The following ADGRB2 variants were observed in gnomAD, a reference collection of about 807,000 sequenced individuals.
ADGRB2 encodes adhesion G protein-coupled receptor B2, also known as brain-specific angiogenesis inhibitor 2.
A neutral mutation model predicts 178.7 loss-of-function variants in ADGRB2; 47 were observed. The observed-to-expected ratio is 0.26, with a 90% CI of 0.21 to 0.34. ADGRB2 has a LOEUF of 0.34. ADGRB2 is among the 10% of genes least tolerant of loss of function. The pLI is 1.00. For missense variants in ADGRB2, 1,584 were observed against 2,180.8 expected (o/e 0.73, Z 5.45); for synonymous variants, 870 against 912.4 (o/e 0.95, Z 0.84).
rs748303628 is a variant in ADGRB2 at position 31,744,618 on chromosome 1, C to T, written c.922+30G>A. The T allele has an allele frequency of 2.5e-6, 4 of 1,611,756 alleles. No individual in the cohort carries two copies. In the African/African-American group the frequency reaches 4.0e-5, roughly 16 times the overall value. ...CAGACGCACACAGTCGGGCCCCCGC[C>T]GCAGAGGAAGGGAGGCGGGCCCGAG... On this transcript the variant is annotated intron_variant, in intron 5 of 32. Coordinates refer to ENST00000373658, the MANE Select transcript of ADGRB2 (RefSeq NM_001364857.2). The surrounding 1 kb of genome is among the most constrained non-coding windows in gnomAD (Gnocchi z 6.7).
rs1174286305 is a variant in ADGRB2 at position 31,735,419 on chromosome 1, G to A, written c.3354-138C>T. 1.4e-5 allele frequency: 17 copies of A among 1,218,072 alleles called. No homozygotes were observed. Among genetic ancestry groups the A allele is most frequent in the Non-Finnish European group, 2.0e-5 (17 of 851,576 alleles). The allele number at this position is 1,218,072 out of a possible 1,614,324, so 75.5% of individuals were successfully genotyped here. On this transcript the variant is annotated intron_variant, in intron 24 of 32. Transcript: ENST00000373658. The surrounding 1 kb of genome is among the most constrained non-coding windows in gnomAD (Gnocchi z 6.0). The stretch of plus-strand genomic sequence containing the variant: ...GCTGGGTTAGGGTGGGTGAGGGGCT[G>A]CGGCTGAGCACTCCGGGTGCCCACC...
rs1339365597 is a variant in ADGRB2 at position 31,754,637 on chromosome 1, A to G, written c.838+1362T>C. Among the ~76,000 whole-genome samples the G allele has an allele frequency of 2.0e-5, 3 of 152,366 alleles. No individual in the cohort carries two copies. Among genetic ancestry groups the G allele is most frequent in the East Asian group, 1.9e-4 (1 of 5,182 alleles). ...GCCAAGCTAGCCTGGGAGAGAGGCC[A>G]CAGCAAAGCCACCGGGCACTTGCCG... On this transcript the variant is annotated intron_variant, in intron 4 of 32. Transcript: ENST00000373658. This position sits in a 1 kb window ranked among gnomAD's most constrained non-coding sequence, Gnocchi z 5.7.
At chr1:31,738,094 A>G in intron 18 of ADGRB2, 106 bp downstream of exon 18, 1 of 1,478,922 alleles carries the variant, frequency 6.8e-7, no homozygotes, top group East Asian at 2.4e-5. Context: ...GCACCTGCAG[A>G]TGCACATTCA....
At position 31,759,265 on chromosome 1, in the gene ADGRB2, G is replaced by C. The variant is rs1646968392; in HGVS notation, c.-190-1754C>G. ...AACACGCACACACAGGGGTGTAGAG[G>C]CTTACACTTGTACACATGCACAGAG... On this transcript the variant is annotated intron_variant, in intron 1 of 32. Coordinates refer to ENST00000373658, the MANE Select transcript of ADGRB2 (RefSeq NM_001364857.2). The surrounding 1 kb of genome is among the most constrained non-coding windows in gnomAD (Gnocchi z 4.3). 3.9e-6 allele frequency: 3 copies of C among 778,996 alleles called. No homozygotes were observed. Among genetic ancestry groups the C allele is most frequent in the Non-Finnish European group, 7.2e-6 (3 of 417,556 alleles). The allele number at this position is 778,996 out of a possible 1,614,324, so 48.3% of individuals were successfully genotyped here.
chr1:31,757,162 G>A (rs762517910), intron 3 of ADGRB2, 39 bp downstream of exon 3: 2 of 1,614,124 alleles, frequency 1.2e-6, no homozygotes, highest in South Asian at 2.2e-5. Flanking sequence ...TCAACTACAA[G>A]CATATTCGCC....
rs879884494 is a variant in ADGRB2, at chr1:31,758,126, C to G, written c.-190-615G>C. Among the ~76,000 whole-genome samples, 13 of 152,222 alleles carry G rather than the reference C, an allele frequency of 8.5e-5. No homozygotes were observed. Among genetic ancestry groups the G allele is most frequent in the Admixed American group, 5.2e-4 (8 of 15,288 alleles). ...AATCAGCCCCACTTCCAATCCTACC[C>G]CCCAAGTAATCCAAGCGGCCTCCCT... On this transcript the variant is annotated intron_variant, in intron 1 of 32. Coordinates refer to ENST00000373658, the MANE Select transcript of ADGRB2 (RefSeq NM_001364857.2). This position sits in a 1 kb window ranked among gnomAD's most constrained non-coding sequence, Gnocchi z 4.2.
At position 31,756,633 on chromosome 1, in the gene ADGRB2, G is replaced by A. The variant is rs1218758944; in HGVS notation, c.204C>T (p.Thr68=). Residue 68 remains threonine (T), a synonymous_variant, in exon 4 of 33, where the codon ACC becomes ACT. Coordinates refer to ENST00000373658, the MANE Select transcript of ADGRB2 (RefSeq NM_001364857.2). The surrounding 1 kb of genome is among the most constrained non-coding windows in gnomAD (Gnocchi z 8.5). The part of the protein sequence containing the change: ...FPTIASGCSW[T]LENPDPTKYS... ...ACTTGGTGGGGTCAGGGTTCTCCAG[G>A]GTCCAGGAGCAGCCCGAGGCGATGG... The A allele has an allele frequency of 6.2e-7, 1 of 1,607,928 alleles. No homozygotes were observed.
Position 31,727,416 on chromosome 1 carries a change from G to A in ADGRB2, c.*4C>T, listed in dbSNP as rs776367007. On this transcript the variant is annotated 3_prime_UTR_variant, in exon 33 of 33. Coordinates refer to ENST00000373658, the MANE Select transcript of ADGRB2 (RefSeq NM_001364857.2). This position sits in a 1 kb window ranked among gnomAD's most constrained non-coding sequence, Gnocchi z 4.4. ...TATATGCAGTGGGCAGTCCAGCGTG[G>A]CACTCACACCTCTGTCTGGAAGTCA... 1.4e-5 allele frequency: 22 copies of A among 1,583,412 alleles called. No homozygotes were observed. The highest frequency in any genetic ancestry group is 1.7e-5 in the Non-Finnish European group (20 of 1,171,048).
At chr1:31,757,103 G>C in intron 3 of ADGRB2, 98 bp downstream of exon 3, 3 of 1,588,568 alleles carry the variant, frequency 1.9e-6, no homozygotes, top group Admixed American at 3.4e-5. Flanking sequence ...GAGCCCTGAA[G>C]AAACAGTAGT....
rs1472372204 is a variant in ADGRB2, at chr1:31,740,748, A to G, written c.1795-207T>C. 2.6e-5 allele frequency among the ~76,000 whole-genome samples: 4 copies of G among 152,228 alleles called. No individual in the cohort carries two copies. In the South Asian group the frequency reaches 8.3e-4, roughly 32 times the overall value. ...AGAGAATCCCAAAGGGTACTTTAAA[A>G]AAGACTGAAATAGAAACACCTAGAG... On this transcript the variant is annotated intron_variant, in intron 11 of 32. Transcript: ENST00000373658. This position sits in a 1 kb window ranked among gnomAD's most constrained non-coding sequence, Gnocchi z 5.9.
rs1645779859 is a variant in ADGRB2, at chr1:31,738,912, C to T, written c.2521G>A (p.Val841Met). ...GGGGGGCGCACAGTCACTGTCATCA[C>T]CCGGGATGTGACGGCCAGCGGGGGC... ...PRPPLAVTSR[V>M]MTVTVRPPTQ... The change falls in exon 16 of 33, where the codon GTG (valine) becomes ATG (methionine). Residue 841 changes from valine to methionine, a missense_variant. Coordinates refer to ENST00000373658, the MANE Select transcript of ADGRB2 (RefSeq NM_001364857.2). 1 of 1,613,338 alleles carries T rather than the reference C, an allele frequency of 6.2e-7. No homozygotes were observed. The highest frequency in any genetic ancestry group is 8.5e-7 in the Non-Finnish European group (1 of 1,179,810).
rs773603015 is a variant in ADGRB2 at position 31,735,542 on chromosome 1, T to C, written c.3353+38A>G. On this transcript the variant is annotated intron_variant, in intron 24 of 32. Coordinates refer to ENST00000373658, the MANE Select transcript of ADGRB2 (RefSeq NM_001364857.2). The surrounding 1 kb of genome is among the most constrained non-coding windows in gnomAD (Gnocchi z 6.0). The stretch of plus-strand genomic sequence containing the variant: ...CCCATGTCCCTCCCTCCCTGCACCA[T>C]TTCCAGAAAGGCCAAGTCTCAGAGG... The C allele has an allele frequency of 1.2e-6, 2 of 1,601,994 alleles. No individual in the cohort carries two copies. Among genetic ancestry groups the C allele is most frequent in the African/African-American group, 1.3e-5 (1 of 74,704 alleles).
At position 31,742,128 on chromosome 1, in the gene ADGRB2, C is replaced by T. The variant is rs146233307; in HGVS notation, c.1342G>A (p.Val448Met). Residue 448 changes from valine (V) to methionine (M), a missense_variant, in exon 8 of 33, where the codon GTG (valine) becomes ATG (methionine). By Grantham distance (21) the Val-to-Met change is conservative. This residue lies in a region of ADGRB2 where 657 missense variants were observed against 847.6 expected (regional missense o/e 0.78). Transcript: ENST00000373658. Reference protein sequence around the residue: ...GTQQRSRKCSVAGPAWATCTG... With the variant: ...GTQQRSRKCSMAGPAWATCTG... ...CATGTGGCCCAGGCTGGGCCCGCCA[C>T]GCTGCACTTCCGGCTGCGCTGTTGG... 7.0e-5 allele frequency: 113 copies of T among 1,613,526 alleles called. 1 individual carries two copies. The highest frequency in any genetic ancestry group is 5.0e-5 in the Admixed American group (3 of 59,994).
intron 4 of ADGRB2, among the ~76,000 whole-genome samples, chr1:31,747,082 T>C (rs924084021): frequency 5.3e-5 from 8 of 152,166 alleles, no homozygotes; most frequent in Non-Finnish European, 1.2e-4. Context: ...GTCCTCCTTG[T>C]TGCTAAATCC....
chr1:31,732,735 G>A, intron 26 of ADGRB2, 123 bp from the exon 27 acceptor site: 1 of 1,231,762 alleles, frequency 8.1e-7, no homozygotes, highest in Non-Finnish European at 1.2e-6. Context: ...CCAACCTTGG[G>A]GAAGGTGATG....
Position 31,759,387 on chromosome 1 carries a change from T to C in ADGRB2, c.-190-1876A>G, listed in dbSNP as rs1570098121. The C allele has an allele frequency of 3.8e-6, 3 of 779,330 alleles. No homozygotes were observed. 48.3% of individuals were successfully genotyped at this position (779,330 alleles called of 1,614,324 possible). ...GTGTCAGGCAGGATCCTCTGCGGGG[T>C]CTTCCTTTGCATGTCTGAAGCTGGA... On this transcript the variant is annotated intron_variant, in intron 1 of 32. Transcript: ENST00000373658. This position sits in a 1 kb window ranked among gnomAD's most constrained non-coding sequence, Gnocchi z 4.3.
rs1055528937 is a variant in ADGRB2, at chr1:31,733,501, A to G, written c.3453-358T>C. On this transcript the variant is annotated intron_variant, in intron 25 of 32. Transcript: ENST00000373658. This position sits in a 1 kb window ranked among gnomAD's most constrained non-coding sequence, Gnocchi z 4.3. ...CTTTTTAAAAATGCACGGGGCCGGGACGGCATCCCCAGAGCCTAACTGGGT... is the reference window on the plus strand; with the variant it reads ...CTTTTTAAAAATGCACGGGGCCGGGGCGGCATCCCCAGAGCCTAACTGGGT... Among the ~76,000 whole-genome samples the G allele has an allele frequency of 3.9e-5, 6 of 152,174 alleles. No individual in the cohort carries two copies. The highest frequency in any genetic ancestry group is 1.4e-4 in the African/African-American group (6 of 41,426).
rs911438496 is a variant in ADGRB2, at chr1:31,740,899, A to G, written c.1795-358T>C. On this transcript the variant is annotated intron_variant, in intron 11 of 32. Transcript: ENST00000373658. This position sits in a 1 kb window ranked among gnomAD's most constrained non-coding sequence, Gnocchi z 5.9. ...AGCATGTGTGTGGGCGCGCGCGCACACACACACACACACACACACACACAC... is the reference window on the plus strand; with the variant it reads ...AGCATGTGTGTGGGCGCGCGCGCACGCACACACACACACACACACACACAC... Among the ~76,000 whole-genome samples, 1,881 of 148,194 alleles carry G rather than the reference A, an allele frequency of 0.013. 42 individuals carry two copies. Among genetic ancestry groups the G allele is most frequent in the African/African-American group, 0.045 (1,780 of 39,640 alleles).
In ADGRB2 at chr1:31,740,362, C is replaced by T. The variant is rs752913549; in HGVS notation, c.1974G>A (p.Ser658=). Residue 658 remains serine (S), a synonymous_variant, in exon 12 of 33, where the codon TCG becomes TCA. Transcript: ENST00000373658. This position sits in a 1 kb window ranked among gnomAD's most constrained non-coding sequence, Gnocchi z 5.9. ...DTFKRATYVP[S]ADDVQRFFQV... The stretch of plus-strand genomic sequence containing the variant: ...TAGGCAGTACCTGCACATCATCAGC[C>T]GAGGGCACGTAGGTGGCCCTCTTAA... The T allele has an allele frequency of 2.5e-6, 4 of 1,612,250 alleles. No individual in the cohort carries two copies. Among genetic ancestry groups the T allele is most frequent in the Non-Finnish European group, 1.7e-6 (2 of 1,178,980 alleles).
Sources: gnomAD v4.1 joint callset for allele counts (sites outside exome capture counted in the v4.1 genomes callset) on GRCh38, gnomAD v4.1.1 for gene constraint, gnomAD v4.1.1 regional missense constraint, Gnocchi (gnomAD v3.1) non-coding constraint, MANE v1.5 for transcripts, NCBI Gene and HGNC (gene_info 2026-07-23, HGNC 2026-07-21) for gene names.